ASAP1: variants seen among roughly 807,000 people sequenced by gnomAD.
The protein encoded by ASAP1 is ArfGAP with SH3 domain, ankyrin repeat and PH domain 1, also known as arf-GAP with SH3 domain, ANK repeat and PH domain-containing protein 1.
In ASAP1, 43 loss-of-function variants were observed where a neutral mutation model predicts 145.2. The observed-to-expected ratio is 0.30, with a 90% confidence interval of 0.23 to 0.38. ASAP1 has a LOEUF of 0.38. Ranked by LOEUF, ASAP1 falls within the 10% of genes least tolerant of loss-of-function variation. ASAP1 has a pLI of 1.00. For synonymous variants in ASAP1, 546 were observed against 515.5 expected, an observed-to-expected ratio of 1.06 and a Z score of -0.80; for missense variants, 1,018 against 1,355.3, an observed-to-expected ratio of 0.75 and a Z score of 3.91.
At chr8:130,410,606 C>T (rs34019017) in intron 1 of ASAP1, among the ~76,000 whole-genome samples, 49,608 of 152,128 alleles carry the variant, frequency 0.33, 8,877 homozygotes, top group African/African-American at 0.46. Flanking sequence ...CTAGGGTCTG[C>T]TGTGCTGCCC....
rs564501997 is a variant in ASAP1 at position 130,440,376 on chromosome 8, G to A, written c.-28+3084C>T. ...ATAAAAATTAGCCAGGTGTGGTGGT[G>A]CATGCCTATCATCCCAGCTACTCAG... On this transcript the variant is annotated intron_variant, in intron 1 of 29. Transcript: ENST00000518721. Among the ~76,000 whole-genome samples, 57 of 152,092 alleles carry A rather than the reference G, an allele frequency of 3.7e-4. No homozygotes were observed. The South Asian group carries it at 6.2e-3, about 17-fold the overall frequency.
intron 2 of ASAP1, among the ~76,000 whole-genome samples, chr8:130,387,658 G>GAAAA (rs35915232): frequency 9.3e-6 from 1 of 107,554 alleles, no homozygotes. Flanking sequence ...CTCCATCTCA[G>GAAAA]AAAAAAAAAA....
At chr8:130,432,187 G>A (rs1330904501) in intron 1 of ASAP1, among the ~76,000 whole-genome samples, 1 of 151,346 alleles carries the variant, frequency 6.6e-6, no homozygotes, top group African/African-American at 2.4e-5. Context: ...GGAGAAGGGA[G>A]AGAGGGAGGA....
At chr8:130,399,566 A>C (rs145631045) in intron 2 of ASAP1, among the ~76,000 whole-genome samples, 3,766 of 152,274 alleles carry the variant, frequency 0.025, 67 homozygotes, top group Middle Eastern at 0.044. Context: ...TCATATCAAA[A>C]GCCTCTCAGG....
chr8:130,135,995 A>T (rs2097593768), intron 14 of ASAP1, among the ~76,000 whole-genome samples: 1 of 152,206 alleles, frequency 6.6e-6, no homozygotes, highest in African/African-American at 2.4e-5. Context: ...AAGGGCAAGA[A>T]AATATTTCTG....
At chr8:130,261,530 G>A (rs910893873) in intron 3 of ASAP1, among the ~76,000 whole-genome samples, 5 of 152,116 alleles carry the variant, frequency 3.3e-5, no homozygotes, top group Non-Finnish European at 5.9e-5. Context: ...GTGGCTTGGG[G>A]TAGGCTTAGG....
intron 25 of ASAP1, among the ~76,000 whole-genome samples, chr8:130,087,276 T>A (rs150551008): frequency 6.6e-6 from 1 of 152,114 alleles, no homozygotes; most frequent in East Asian, 1.9e-4. Context: ...TCCCAGCACT[T>A]TGAGAGGCCG....
At chr8:130,154,027 C>T (rs1282906223) in intron 12 of ASAP1, among the ~76,000 whole-genome samples, 1 of 152,050 alleles carries the variant, frequency 6.6e-6, no homozygotes, top group Non-Finnish European at 1.5e-5. Flanking sequence ...AATCCCATAT[C>T]TACAAAAAAT....
At chr8:130,296,941 G>T (rs537343027) in intron 3 of ASAP1, among the ~76,000 whole-genome samples, 2 of 151,816 alleles carry the variant, frequency 1.3e-5, no homozygotes, top group African/African-American at 2.4e-5. Context: ...GTCTTTTTTG[G>T]GGGGCTAAGT....
At chr8:130,278,496 T>C (rs1821057392) in intron 3 of ASAP1, among the ~76,000 whole-genome samples, 1 of 152,228 alleles carries the variant, frequency 6.6e-6, no homozygotes, top group Admixed American at 6.5e-5. Context: ...GGCTTCTGTT[T>C]CATTAGAAAC....
At chr8:130,270,044 C>A (rs1229564871) in intron 3 of ASAP1, among the ~76,000 whole-genome samples, 2 of 152,206 alleles carry the variant, frequency 1.3e-5, no homozygotes, top group Non-Finnish European at 2.9e-5. Flanking sequence ...GTGGCCCACA[C>A]CTGTAATCCC....
At chr8:130,141,666 C>A (rs550588641) in intron 13 of ASAP1, among the ~76,000 whole-genome samples, 1 of 152,238 alleles carries the variant, frequency 6.6e-6, no homozygotes, top group South Asian at 2.1e-4. Context: ...CCTACCTTAG[C>A]CTTCCCAGTA....
chr8:130,069,523 C>T (rs1274448783), intron 27 of ASAP1: 1 of 152,198 alleles, frequency 6.6e-6, no homozygotes, highest in Non-Finnish European at 1.5e-5. Flanking sequence ...AGGCATGAGC[C>T]ACTGCGCTTA....
intron 5 of ASAP1, among the ~76,000 whole-genome samples, chr8:130,202,017 T>C (rs953885469): frequency 6.6e-6 from 1 of 152,186 alleles, no homozygotes; most frequent in Non-Finnish European, 1.5e-5. Context: ...TGTCTCATAG[T>C]AGACATTATT....
intron 13 of ASAP1, among the ~76,000 whole-genome samples, chr8:130,137,982 A>G (rs1323653663): frequency 6.6e-6 from 1 of 152,224 alleles, no homozygotes; most frequent in Non-Finnish European, 1.5e-5. Context: ...GAAATAAGCA[A>G]TGAAACTCTT....
chr8:130,374,601 C>T (rs143807316), intron 2 of ASAP1, among the ~76,000 whole-genome samples: 1 of 152,350 alleles, frequency 6.6e-6, no homozygotes, highest in Non-Finnish European at 1.5e-5. Context: ...AGCTTACATA[C>T]TTGTCGACTT....
intron 3 of ASAP1, among the ~76,000 whole-genome samples, chr8:130,248,206 G>A (rs993032757): frequency 6.6e-6 from 1 of 152,074 alleles, no homozygotes; most frequent in Non-Finnish European, 1.5e-5. Context: ...CTGTGCTGAG[G>A]AATGTGGCGG....
At chr8:130,319,021 G>C (rs1238332637) in intron 3 of ASAP1, among the ~76,000 whole-genome samples, 1 of 152,218 alleles carries the variant, frequency 6.6e-6, no homozygotes, top group African/African-American at 2.4e-5. Context: ...CAATTTATTA[G>C]AACTTAAAAG....
intron 24 of ASAP1, among the ~76,000 whole-genome samples, chr8:130,092,693 A>T (rs1763731731): frequency 2.0e-5 from 3 of 152,160 alleles, no homozygotes; most frequent in Admixed American, 6.5e-5. Flanking sequence ...CTGAGTTTAG[A>T]TCATTTAGGT....
Sources: allele counts gnomAD v4.1 joint callset (sites outside exome capture counted in the v4.1 genomes callset), GRCh38; gene constraint gnomAD v4.1.1; transcripts MANE v1.5; gene names NCBI Gene and HGNC (gene_info 2026-07-23, HGNC 2026-07-21).